TENM3: variants seen among roughly 807,000 people sequenced by gnomAD.
TENM3 encodes the protein teneurin-3.
TENM3 carries 63 observed loss-of-function variants against 255.1 expected under a neutral mutation model. The ratio of observed to expected loss-of-function variants is 0.25; its 90% confidence interval spans 0.20 to 0.30. The LOEUF is 0.30. Ranked by LOEUF, TENM3 falls within the 10% of genes least tolerant of loss-of-function variation. The pLI, the probability that TENM3 is intolerant of heterozygous loss-of-function variation, is 1.00. For synonymous variants in TENM3, 1,306 were observed against 1,322.3 expected (o/e 0.99, Z 0.27); for missense variants, 2,929 against 3,461.1 (o/e 0.85, Z 3.86).
At chr4:182,188,782 A>G (rs1045478186) in intron 1 of TENM3, among the ~76,000 whole-genome samples, 1 of 152,200 alleles carries the variant, frequency 6.6e-6, no homozygotes, top group Non-Finnish European at 1.5e-5. Flanking sequence ...GGGCAAGGCC[A>G]GTAATAGTCT....
At chr4:182,617,291 T>C (rs912408646) in intron 4 of TENM3, among the ~76,000 whole-genome samples, 2 of 152,216 alleles carry the variant, frequency 1.3e-5, no homozygotes, top group South Asian at 2.1e-4. Context: ...TTCAGTGTTA[T>C]ATATTTTAAC....
intron 3 of TENM3, among the ~76,000 whole-genome samples, chr4:182,466,548 G>T (rs1215488537): frequency 7.0e-6 from 1 of 141,976 alleles, no homozygotes; most frequent in Non-Finnish European, 1.6e-5. Context: ...GCTGAGGCTG[G>T]TCTTGACTCC....
Position 182,799,564 on chromosome 4 carries a change from C to A in TENM3, c.7345-32C>A. The stretch of plus-strand genomic sequence containing the variant: ...GGAGTGGGGAGGCTCCCGGCCGCCT[C>A]TGACGCGCCCCCTCTTTTGTTTCGC... On this transcript the variant is annotated intron_variant, in intron 27 of 27. Transcript: ENST00000511685. This position sits in a 1 kb window ranked among gnomAD's most constrained non-coding sequence, Gnocchi z 4.2. 6.5e-7 allele frequency: 1 copy of A among 1,527,682 alleles called. No homozygotes were observed. The highest frequency in any genetic ancestry group is 1.4e-5 in the African/African-American group (1 of 72,506). 94.6% of individuals were successfully genotyped at this position (1,527,682 alleles called of 1,614,324 possible).
At chr4:182,121,781 G>A in the TENM3 span, among the ~76,000 whole-genome samples, 1 of 152,168 alleles carries the variant, frequency 6.6e-6, no homozygotes, top group African/African-American at 2.4e-5. Flanking sequence ...AGGTGCAGAA[G>A]GTTGGGGTGA....
chr4:181,906,917 C>G, the TENM3 span, among the ~76,000 whole-genome samples: 2 of 152,052 alleles, frequency 1.3e-5, no homozygotes, highest in African/African-American at 4.8e-5. Context: ...CTCACTATGT[C>G]GCCCAGGCTG....
chr4:181,862,797 T>C, the TENM3 span, among the ~76,000 whole-genome samples: 1 of 152,162 alleles, frequency 6.6e-6, no homozygotes, highest in Admixed American at 6.5e-5. Context: ...TTTAGAGCAA[T>C]AGAGCACTGT....
chr4:181,862,080 G>A, the TENM3 span, among the ~76,000 whole-genome samples: 1 of 152,084 alleles, frequency 6.6e-6, no homozygotes, highest in African/African-American at 2.4e-5. Flanking sequence ...TAACGTTTAA[G>A]ACGTGTTTTG....
At chr4:182,369,710 A>G (rs1429439209) in intron 3 of TENM3, among the ~76,000 whole-genome samples, 1 of 152,088 alleles carries the variant, frequency 6.6e-6, no homozygotes, top group East Asian at 1.9e-4. Flanking sequence ...GTGAAATTCC[A>G]TCTCTATTAA....
chr4:181,972,802 A>G, the TENM3 span, among the ~76,000 whole-genome samples: 1 of 152,240 alleles, frequency 6.6e-6, no homozygotes, highest in South Asian at 2.1e-4. Flanking sequence ...AAGTTGATCT[A>G]CAGAAAATAA....
the TENM3 span, among the ~76,000 whole-genome samples, chr4:181,679,527 T>C: frequency 6.6e-6 from 1 of 152,140 alleles, no homozygotes; most frequent in Non-Finnish European, 1.5e-5. Flanking sequence ...ATATATGTTG[T>C]ATAGCACTGG....
chr4:181,841,479 T>C, the TENM3 span, among the ~76,000 whole-genome samples: 2,581 of 152,262 alleles, frequency 0.017, 43 homozygotes, highest in Middle Eastern at 0.048. Flanking sequence ...TAATGCTCTT[T>C]GTTCCCATAC....
At chr4:181,539,950 C>T in the TENM3 span, among the ~76,000 whole-genome samples, 2 of 152,246 alleles carry the variant, frequency 1.3e-5, no homozygotes, top group East Asian at 3.9e-4. Flanking sequence ...ATACCAAGCC[C>T]TCAGGTCTTG....
rs763572095 is a variant in TENM3 at position 182,601,034 on chromosome 4, C to G, written c.622C>G (p.Leu208Val). Residue 208 changes from leucine (L) to valine (V), a missense_variant, in exon 4 of 28, where the codon CTG (leucine) becomes GTG (valine). Coordinates refer to ENST00000511685, the MANE Select transcript of TENM3 (RefSeq NM_001080477.4). The stretch of plus-strand genomic sequence containing the variant: ...CATCACTTCTCTCAACAGAAACTCC[C>G]TGACCAATAGAAGGAACCAGAGTCC... Reference protein sequence around the residue: ...PSITSLNRNSLTNRRNQSPAP... With the variant: ...PSITSLNRNSVTNRRNQSPAP... 6 of 1,613,356 alleles carry G rather than the reference C, an allele frequency of 3.7e-6. No homozygotes were observed. The East Asian group carries it at 1.3e-4, about 36-fold the overall frequency.
intron 3 of TENM3, among the ~76,000 whole-genome samples, chr4:182,349,520 G>T (rs1374104855): frequency 1.3e-5 from 2 of 152,080 alleles, no homozygotes; most frequent in African/African-American, 2.4e-5. Context: ...TTAAACAATA[G>T]CACTGAGGAT....
chr4:182,265,381 C>A (rs1172280606), intron 1 of TENM3, among the ~76,000 whole-genome samples: 5 of 152,236 alleles, frequency 3.3e-5, no homozygotes, highest in African/African-American at 1.2e-4. Flanking sequence ...GGAGATGAGA[C>A]TCCCATGAAG....
the TENM3 span, among the ~76,000 whole-genome samples, chr4:181,756,848 C>T: frequency 1.5e-4 from 23 of 152,304 alleles, no homozygotes; most frequent in South Asian, 4.8e-3. Flanking sequence ...GGATTGTCAA[C>T]TTTCCATATT....
the TENM3 span, among the ~76,000 whole-genome samples, chr4:181,930,267 T>C: frequency 1.3e-5 from 2 of 152,016 alleles, no homozygotes; most frequent in African/African-American, 4.8e-5. Flanking sequence ...GATAGACCAC[T>C]AGCCAGACTA....
the TENM3 span, among the ~76,000 whole-genome samples, chr4:181,867,578 C>T: frequency 6.6e-6 from 1 of 152,196 alleles, no homozygotes; most frequent in African/African-American, 2.4e-5. Context: ...CTACAGATCT[C>T]CTGTACCACC....
chr4:182,576,109 G>A (rs546288681), intron 3 of TENM3, among the ~76,000 whole-genome samples: 1 of 152,282 alleles, frequency 6.6e-6, no homozygotes, highest in South Asian at 2.1e-4. Context: ...TATTTATTCG[G>A]TAGATTTTTT....
Sources: gnomAD v4.1 joint callset for allele counts (sites outside exome capture counted in the v4.1 genomes callset) on GRCh38, gnomAD v4.1.1 for gene constraint, Gnocchi (gnomAD v3.1) non-coding constraint, MANE v1.5 for transcripts, NCBI Gene and HGNC (gene_info 2026-07-23, HGNC 2026-07-21) for gene names.